Variants in NSMCE2 observed in about 807,000 individuals in gnomAD.
NSMCE2 encodes the protein NSE2 SUMO ligase component of SMC5/6 complex, also known as E3 SUMO-protein ligase NSE2.
In NSMCE2, 24 loss-of-function variants were observed where a neutral mutation model predicts 23.8. The observed-to-expected ratio is 1.01, with a 90% CI of 0.73 to 1.42. NSMCE2 has a LOEUF of 1.42. Ranked by LOEUF, NSMCE2 falls within the 40% of genes most tolerant of loss-of-function variation. The pLI is 0.00. For synonymous variants in NSMCE2, 92 were observed against 94.1 expected (o/e 0.98, Z 0.13); for missense variants, 284 against 296.5 (o/e 0.96, Z 0.31).
intron 5 of NSMCE2, among the ~76,000 whole-genome samples, chr8:125,339,977 G>A (rs1830179727): frequency 6.6e-6 from 1 of 150,630 alleles, no homozygotes; most frequent in African/African-American, 2.4e-5. Context: ...CTGATCCTGG[G>A]AAACCATAAG....
intron 3 of NSMCE2, among the ~76,000 whole-genome samples, chr8:125,114,671 G>C (rs949883614): frequency 4.6e-5 from 7 of 152,224 alleles, no homozygotes; most frequent in African/African-American, 1.7e-4. Context: ...ACAGCCTTCA[G>C]TGAATGGGAC....
At chr8:125,100,860 C>G (rs1464074314) in intron 1 of NSMCE2, among the ~76,000 whole-genome samples, 1 of 152,156 alleles carries the variant, frequency 6.6e-6, no homozygotes, top group Non-Finnish European at 1.5e-5. Flanking sequence ...TGCGCCTGGC[C>G]AAAGGCTGAA....
At chr8:125,227,801 T>C (rs909182436) in intron 5 of NSMCE2, among the ~76,000 whole-genome samples, 1 of 152,152 alleles carries the variant, frequency 6.6e-6, no homozygotes, top group African/African-American at 2.4e-5. Context: ...CATAATAACA[T>C]TTTGTGGTTT....
intron 5 of NSMCE2, among the ~76,000 whole-genome samples, chr8:125,290,798 A>C (rs1263869199): frequency 7.0e-6 from 1 of 142,600 alleles, no homozygotes; most frequent in Non-Finnish European, 1.5e-5. Context: ...AACTCCTACC[A>C]CCACCAAAAA....
chr8:125,132,736 C>T (rs900043713), intron 3 of NSMCE2, among the ~76,000 whole-genome samples: 4 of 152,144 alleles, frequency 2.6e-5, no homozygotes, highest in African/African-American at 9.7e-5. Flanking sequence ...CTCAAGTGAT[C>T]CACCCATCTC....
Position 125,245,333 on chromosome 8 carries a change from C to G in NSMCE2, c.418+63077C>G, listed in dbSNP as rs529951951. 1.2e-4 allele frequency among the ~76,000 whole-genome samples: 18 copies of G among 152,198 alleles called. No homozygotes were observed. In the South Asian group the frequency reaches 3.5e-3, roughly 30 times the overall value. ...ATTGAAATTGGACTTGCCACATTCT[C>G]TCACCATAATGCTGACAAATACACA... On this transcript the variant is annotated intron_variant, in intron 5 of 7. Coordinates refer to ENST00000287437, the MANE Select transcript of NSMCE2 (RefSeq NM_173685.4).
At chr8:125,361,142 A>C (rs544835537) in intron 7 of NSMCE2, among the ~76,000 whole-genome samples, 36 of 140,380 alleles carry the variant, frequency 2.6e-4, no homozygotes, top group Non-Finnish European at 5.1e-4. Flanking sequence ...CCCAGGCTGG[A>C]GTACAACCTC....
intron 3 of NSMCE2, among the ~76,000 whole-genome samples, chr8:125,143,632 T>C (rs1183457149): frequency 1.3e-5 from 2 of 152,228 alleles, no homozygotes; most frequent in African/African-American, 2.4e-5. Context: ...TTGGTGGTGT[T>C]CCTGTTCAGA....
chr8:125,207,969 C>G (rs1824180898), intron 5 of NSMCE2, among the ~76,000 whole-genome samples: 1 of 152,220 alleles, frequency 6.6e-6, no homozygotes, highest in South Asian at 2.1e-4. Context: ...AATTACAAGG[C>G]AGCCCAGATT....
chr8:125,181,634 G>A (rs1822815914), intron 4 of NSMCE2, among the ~76,000 whole-genome samples: 1 of 152,054 alleles, frequency 6.6e-6, no homozygotes, highest in African/African-American at 2.4e-5. Context: ...ATTATGGAAG[G>A]TCAAGGCTAA....
chr8:125,327,699 T>C (rs1586775695), intron 5 of NSMCE2, among the ~76,000 whole-genome samples: 1 of 131,016 alleles, frequency 7.6e-6, no homozygotes, highest in Non-Finnish European at 1.8e-5. Context: ...GTAAGATTTC[T>C]TTAGAATATT....
chr8:125,279,200 G>A (rs978657920), intron 5 of NSMCE2, among the ~76,000 whole-genome samples: 1 of 152,090 alleles, frequency 6.6e-6, no homozygotes, highest in Admixed American at 6.5e-5. Context: ...ATGTGGTTCC[G>A]TGCACCTGGG....
chr8:125,311,542 G>T (rs189164114), intron 5 of NSMCE2, among the ~76,000 whole-genome samples: 1 of 152,184 alleles, frequency 6.6e-6, no homozygotes, highest in African/African-American at 2.4e-5. Context: ...TGCTTTATTC[G>T]TGGTATGTTG....
At position 125,099,926 on chromosome 8, in the gene NSMCE2, A is replaced by G. The variant is rs188890007; in HGVS notation, c.-110-2125A>G. 5.8e-4 allele frequency among the ~76,000 whole-genome samples: 88 copies of G among 152,224 alleles called. 1 individual carries two copies. Among genetic ancestry groups the G allele is most frequent in the African/African-American group, 2.0e-3 (84 of 41,488 alleles). Reference sequence around the variant, plus strand: ...TGTTTGCTGAAGGGAATGATTCAGTAGAGAGGGAAAATTTAATGATGCAGG... The same window carrying G: ...TGTTTGCTGAAGGGAATGATTCAGTGGAGAGGGAAAATTTAATGATGCAGG... On this transcript the variant is annotated intron_variant, in intron 1 of 7. Transcript: ENST00000287437.
intron 3 of NSMCE2, among the ~76,000 whole-genome samples, chr8:125,114,998 CAT>C (rs1818929830): frequency 6.6e-6 from 1 of 152,134 alleles, no homozygotes; most frequent in Admixed American, 6.6e-5. Flanking sequence ...CTTTATGTGT[CAT>C]ATTTCCCTCA....
intron 1 of NSMCE2, among the ~76,000 whole-genome samples, chr8:125,097,170 T>C (rs1049149392): frequency 3.3e-5 from 5 of 152,218 alleles, no homozygotes; most frequent in Admixed American, 6.5e-5. Flanking sequence ...TTTTTCTTTT[T>C]TGATGTGGAA....
intron 4 of NSMCE2, among the ~76,000 whole-genome samples, chr8:125,178,652 C>T (rs878906031): frequency 6.6e-6 from 1 of 151,982 alleles, no homozygotes; most frequent in Non-Finnish European, 1.5e-5. Flanking sequence ...GGGCGGATCA[C>T]GAGGTCAGGA....
At chr8:125,212,146 A>G (rs903656889) in intron 5 of NSMCE2, among the ~76,000 whole-genome samples, 4 of 152,204 alleles carry the variant, frequency 2.6e-5, no homozygotes, top group Non-Finnish European at 5.9e-5. Context: ...TAACATTGTC[A>G]GTATCTGTTG....
intron 3 of NSMCE2, among the ~76,000 whole-genome samples, chr8:125,121,265 G>A (rs1819249869): frequency 6.6e-6 from 1 of 152,178 alleles, no homozygotes; most frequent in Non-Finnish European, 1.5e-5. Context: ...AACTGGTGGT[G>A]ACAGCAGTGG....
Sources: gnomAD v4.1 joint callset for allele counts (sites outside exome capture counted in the v4.1 genomes callset) on GRCh38, gnomAD v4.1.1 for gene constraint, MANE v1.5 for transcripts, NCBI Gene and HGNC (gene_info 2026-07-23, HGNC 2026-07-21) for gene names.